Variants in IL1RAPL2 observed in about 807,000 individuals in gnomAD.
IL1RAPL2 encodes the protein interleukin 1 receptor accessory protein like 2.
IL1RAPL2 carries 3 observed loss-of-function variants against 44.1 expected under a neutral mutation model. The observed-to-expected ratio is 0.07, with a 90% CI of 0.03 to 0.18. The LOEUF is 0.18. IL1RAPL2 is among the 10% of genes least tolerant of loss of function. IL1RAPL2 has a pLI of 1.00. For missense variants in IL1RAPL2, 391 were observed against 496.4 expected (o/e 0.79, Z 2.02); for synonymous variants, 181 against 178.8 (o/e 1.01, Z -0.10).
At chrX:105,436,093 C>T (rs890527959) in intron 5 of IL1RAPL2, among the ~76,000 whole-genome samples, 15 of 111,331 alleles carry the variant, frequency 1.3e-4, no homozygotes, top group African/African-American at 4.9e-4. Context: ...CTGATACATG[C>T]AACAGTATGG....
chrX:105,158,797 T>G (rs2033294691), intron 2 of IL1RAPL2, among the ~76,000 whole-genome samples: 1 of 111,777 alleles, frequency 8.9e-6, no homozygotes, highest in African/African-American at 3.3e-5. Flanking sequence ...TCTGGTCCCA[T>G]TTCTTCTATT....
At chrX:105,728,009 G>T (rs1569469539) in intron 7 of IL1RAPL2, among the ~76,000 whole-genome samples, 1 of 111,103 alleles carries the variant, frequency 9.0e-6, no homozygotes, top group Non-Finnish European at 1.9e-5. Context: ...TGTAATCCAT[G>T]AACCTATATT....
intron 2 of IL1RAPL2, among the ~76,000 whole-genome samples, chrX:105,193,168 G>GAGATAACTA (rs2033646862): frequency 9.0e-6 from 1 of 111,550 alleles, no homozygotes; most frequent in Admixed American, 9.5e-5. Context: ...AGACTTAGAA[G>GAGATAACTA]AGATAACTAA....
intron 2 of IL1RAPL2, among the ~76,000 whole-genome samples, chrX:105,075,832 A>G (rs1181749259): frequency 9.0e-5 from 10 of 111,610 alleles, no homozygotes; most frequent in Non-Finnish European, 1.9e-4. Flanking sequence ...ATTTGTGTAG[A>G]GGTGTTTATG....
In IL1RAPL2 at chrX:105,009,958, A is replaced by C. The variant is rs994961191; in HGVS notation, c.83-185517A>C. Among the ~76,000 whole-genome samples the C allele has an allele frequency of 2.7e-5, 3 of 110,580 alleles. No homozygotes were observed. The South Asian group carries it at 1.1e-3, about 42-fold the overall frequency. On this transcript the variant is annotated intron_variant, in intron 2 of 10. Transcript: ENST00000372582. ...AAACTCTCTGGAAAATAATCTGTAC[A>C]TAACTTTTTAATTAATTTTTTTATT... is the stretch of plus-strand genomic sequence containing the variant.
At chrX:105,074,376 G>T (rs1287855101) in intron 2 of IL1RAPL2, among the ~76,000 whole-genome samples, 1 of 111,027 alleles carries the variant, frequency 9.0e-6, no homozygotes, top group African/African-American at 3.3e-5. Flanking sequence ...ATTTCTGAGG[G>T]CTCTGTTCTG....
chrX:105,074,517 A>G (rs898448547), intron 2 of IL1RAPL2, among the ~76,000 whole-genome samples: 10 of 110,593 alleles, frequency 9.0e-5, no homozygotes, highest in East Asian at 2.9e-4. Flanking sequence ...TTGACTTGGC[A>G]ATGCTGGCTC....
intron 10 of IL1RAPL2, among the ~76,000 whole-genome samples, chrX:105,760,433 G>T (rs1245680110): frequency 3.6e-5 from 4 of 111,648 alleles, no homozygotes; most frequent in Non-Finnish European, 7.5e-5. Flanking sequence ...GTATTTTGCA[G>T]GTTTGCTTTC....
At chrX:105,758,476 T>C (rs1168991354) in intron 10 of IL1RAPL2, among the ~76,000 whole-genome samples, 1 of 110,817 alleles carries the variant, frequency 9.0e-6, no homozygotes, top group Non-Finnish European at 1.9e-5. Flanking sequence ...TACAAAGATG[T>C]CACTTTCCAA....
intron 6 of IL1RAPL2, among the ~76,000 whole-genome samples, chrX:105,631,360 G>A (rs1456644283): frequency 1.8e-5 from 2 of 111,683 alleles, no homozygotes; most frequent in African/African-American, 3.3e-5. Context: ...ACTAATTGCC[G>A]AGAATTCAGA....
chrX:105,288,010 G>C (rs1182988500), intron 5 of IL1RAPL2, among the ~76,000 whole-genome samples: 1 of 111,322 alleles, frequency 9.0e-6, no homozygotes, highest in Non-Finnish European at 1.9e-5. Context: ...GGAATGCCAA[G>C]AGTGCTATGG....
chrX:105,611,443 T>G (rs1382403384), intron 6 of IL1RAPL2, among the ~76,000 whole-genome samples: 1 of 112,039 alleles, frequency 8.9e-6, no homozygotes, highest in African/African-American at 3.2e-5. Context: ...TTAAGCTCTA[T>G]TCATGGTAAA....
chrX:105,437,163 A>G (rs2035888013), intron 5 of IL1RAPL2, among the ~76,000 whole-genome samples: 1 of 109,447 alleles, frequency 9.1e-6, no homozygotes, highest in Non-Finnish European at 1.9e-5. Flanking sequence ...TTAAAGCAAA[A>G]TGTCACCCAG....
intron 5 of IL1RAPL2, among the ~76,000 whole-genome samples, chrX:105,269,743 A>G (rs1037476473): frequency 1.8e-5 from 2 of 111,863 alleles, no homozygotes; most frequent in African/African-American, 6.5e-5. Context: ...GGCCACAGTC[A>G]CTAATCCTTA....
At chrX:105,549,599 G>A (rs963697665) in intron 6 of IL1RAPL2, among the ~76,000 whole-genome samples, 8 of 111,533 alleles carry the variant, frequency 7.2e-5, no homozygotes, top group African/African-American at 2.6e-4. Flanking sequence ...CCATCCATCT[G>A]AGTCCAATAT....
At chrX:105,673,745 C>T (rs1465643182) in intron 6 of IL1RAPL2, among the ~76,000 whole-genome samples, 1 of 111,952 alleles carries the variant, frequency 8.9e-6, no homozygotes, top group African/African-American at 3.3e-5. Context: ...AATTGCCACA[C>T]CGTCTTCCAC....
intron 2 of IL1RAPL2, among the ~76,000 whole-genome samples, chrX:104,892,940 A>T (rs1351330007): frequency 8.9e-6 from 1 of 111,990 alleles, no homozygotes. Context: ...AGTGCTATAA[A>T]TTTCCCTCTA....
intron 2 of IL1RAPL2, among the ~76,000 whole-genome samples, chrX:104,903,856 G>A (rs776974942): frequency 7.1e-4 from 79 of 111,831 alleles, no homozygotes; most frequent in Non-Finnish European, 1.2e-3. Context: ...TAGGATTACA[G>A]ATGTGAGCTA....
chrX:105,020,579 G>T (rs1239847741), intron 2 of IL1RAPL2, among the ~76,000 whole-genome samples: 1 of 111,849 alleles, frequency 8.9e-6, no homozygotes, highest in African/African-American at 3.2e-5. Context: ...AATGCAAATT[G>T]ATTATATATG....
Sources: allele counts gnomAD v4.1 joint callset (sites outside exome capture counted in the v4.1 genomes callset), GRCh38; gene constraint gnomAD v4.1.1; transcripts MANE v1.5; gene names NCBI Gene and HGNC (gene_info 2026-07-23, HGNC 2026-07-21).